Variants in BTG2 observed in about 807,000 individuals in gnomAD.
The protein encoded by BTG2 is protein BTG2.
In BTG2, 9 loss-of-function variants were observed where a neutral mutation model predicts 13.1. The ratio of observed to expected loss-of-function variants is 0.69; its 90% CI spans 0.41 to 1.20. BTG2 has a LOEUF of 1.20. Among genes scored for constraint, BTG2 ranks in the 50% most tolerant of loss-of-function variants. BTG2 has a pLI of 0.00. For synonymous variants in BTG2, 92 were observed against 88.6 expected, an observed-to-expected ratio of 1.04 and a Z score of -0.21; for missense variants, 200 against 209.5, an observed-to-expected ratio of 0.95 and a Z score of 0.28.
rs762752432 is a variant in BTG2, at chr1:203,307,429, C to T, written c.468C>T (p.Val156=). ...CCTCCAAGAACTACGTGATGGCAGT[C>T]TCCAGCTAGGCCCTTCCGCCCCCGC... ...SSPSKNYVMA[V]SS is the part of the protein sequence containing the mutation. Residue 156 remains valine, a synonymous_variant, in exon 2 of 2, where the codon GTC becomes GTT. Transcript: ENST00000290551. 5.0e-6 allele frequency: 8 copies of T among 1,587,378 alleles called. No individual in the cohort carries two copies. In the African/African-American group the frequency reaches 1.1e-4, roughly 21 times the overall value.
intron 1 of BTG2, among the ~76,000 whole-genome samples, chr1:203,306,236 G>C (rs535226051): frequency 6.6e-6 from 1 of 152,304 alleles, no homozygotes; most frequent in African/African-American, 2.4e-5. Context: ...TCCACTGGTT[G>C]CTGACTGGCT....
chr1:203,305,997 T>A (rs980462702), intron 1 of BTG2, among the ~76,000 whole-genome samples: 1 of 152,188 alleles, frequency 6.6e-6, no homozygotes, highest in Non-Finnish European at 1.5e-5. Context: ...GCGCAGACCC[T>A]GGTCCTGGAG....
At position 203,307,230 on chromosome 1, in the gene BTG2, C is replaced by G; in HGVS notation, c.269C>G (p.Pro90Arg). 1 of 1,614,224 alleles carries G rather than the reference C, an allele frequency of 6.2e-7. No individual in the cohort carries two copies. Among genetic ancestry groups the G allele is most frequent in the Non-Finnish European group, 8.5e-7 (1 of 1,180,048 alleles). ...GCCAGCCAGATCGGACTCAGCCAGC[C>G]CCAGCTGCACCAGCTGCTGCCCAGC... ...RVASQIGLSQ[P>R]QLHQLLPSEL... The change falls in exon 2 of 2, where the codon CCC becomes CGC. Residue 90 changes from proline (P) to arginine (R), a missense_variant. Transcript: ENST00000290551.
intron 1 of BTG2, among the ~76,000 whole-genome samples, chr1:203,306,201 TCGGGGTG>T: frequency 6.6e-6 from 1 of 152,140 alleles, no homozygotes; most frequent in Admixed American, 6.5e-5. Context: ...TTCCTGCCGG[TCGGGGTG>T]CGCTGTGCCT....
chr1:203,305,596 C>A lies in BTG2; in HGVS notation c.-11C>A. The A allele has an allele frequency of 6.2e-7, 1 of 1,601,184 alleles. No individual in the cohort carries two copies. Among genetic ancestry groups the A allele is most frequent in the Non-Finnish European group, 8.5e-7 (1 of 1,173,710 alleles). The stretch of plus-strand genomic sequence containing the variant: ...CCCGAGACCTCTCACTGAGCCCGAG[C>A]CGCGCGCGACATGAGCCACGGGAAG... On this transcript the variant is annotated 5_prime_UTR_variant, in exon 1 of 2. Transcript: ENST00000290551.
Position 203,307,496 on chromosome 1 carries a change from C to G in BTG2, c.*58C>G. 1 of 1,359,008 alleles carries G rather than the reference C, an allele frequency of 7.4e-7. No homozygotes were observed. The highest frequency in any genetic ancestry group is 1.0e-6 in the Non-Finnish European group (1 of 996,304). The allele number at this position is 1,359,008 out of a possible 1,614,324, so 84.2% of individuals were successfully genotyped here. On this transcript the variant is annotated 3_prime_UTR_variant, in exon 2 of 2. Coordinates refer to ENST00000290551, the MANE Select transcript of BTG2 (RefSeq NM_006763.3). ...CTCATGCTGCCGTGACAACAGGCCA[C>G]CACATACCTCAACCTGGGGAACTGT...
In BTG2 at chr1:203,307,453, G is replaced by A. The variant is rs778326561; in HGVS notation, c.*15G>A. 12 of 1,555,656 alleles carry A rather than the reference G, an allele frequency of 7.7e-6. No homozygotes were observed. In the Admixed American group the frequency reaches 1.8e-4, roughly 23 times the overall value. On this transcript the variant is annotated 3_prime_UTR_variant, in exon 2 of 2. Coordinates refer to ENST00000290551, the MANE Select transcript of BTG2 (RefSeq NM_006763.3). ...TCTCCAGCTAGGCCCTTCCGCCCCC[G>A]CCCTGGGCGCCGCCGTGCTCATGCT...
chr1:203,305,914 C>A (rs1018270874), intron 1 of BTG2, among the ~76,000 whole-genome samples, 166 bp downstream of exon 1: 1 of 152,156 alleles, frequency 6.6e-6, no homozygotes, highest in Admixed American at 6.5e-5. Flanking sequence ...TTCCTGGGTC[C>A]TCCTCCCCAG....
chr1:203,306,454 A>G (rs543263623), intron 1 of BTG2, among the ~76,000 whole-genome samples: 3 of 152,162 alleles, frequency 2.0e-5, no homozygotes, highest in Admixed American at 6.5e-5. Context: ...AGTTTTGGGA[A>G]GCGATAGCCA....
intron 1 of BTG2, 57 bp downstream of exon 1, chr1:203,305,805 G>A: frequency 6.6e-7 from 1 of 1,516,214 alleles, no homozygotes; most frequent in Non-Finnish European, 8.8e-7. Flanking sequence ...CCCTGCCAGG[G>A]CCGTCTTTCT....
chr1:203,305,913 C>T (rs1344687430), intron 1 of BTG2, among the ~76,000 whole-genome samples, 165 bp downstream of exon 1: 2 of 152,166 alleles, frequency 1.3e-5, no homozygotes, highest in Non-Finnish European at 2.9e-5. Flanking sequence ...TTTCCTGGGT[C>T]CTCCTCCCCA....
In BTG2 at chr1:203,307,585, A is replaced by G; in HGVS notation, c.*147A>G. The G allele has an allele frequency of 1.5e-6, 1 of 685,124 alleles. No homozygotes were observed. Among genetic ancestry groups the G allele is most frequent in the South Asian group, 5.2e-5 (1 of 19,348 alleles). 42.4% of individuals were successfully genotyped at this position (685,124 alleles called of 1,614,324 possible). ...TTTAAGAAAGGAGGAAAAGAAACCAAAAGTTTTTTTTAAGAAAAAAAATCC... is the reference window on the plus strand; with the variant it reads ...TTTAAGAAAGGAGGAAAAGAAACCAGAAGTTTTTTTTAAGAAAAAAAATCC... On this transcript the variant is annotated 3_prime_UTR_variant, in exon 2 of 2. Coordinates refer to ENST00000290551, the MANE Select transcript of BTG2 (RefSeq NM_006763.3).
In BTG2 at chr1:203,307,234, G is replaced by T. The variant is rs761393344; in HGVS notation, c.273G>T (p.Gln91His). 6.2e-7 allele frequency: 1 copy of T among 1,614,228 alleles called. No individual in the cohort carries two copies. The highest frequency in any genetic ancestry group is 8.5e-7 in the Non-Finnish European group (1 of 1,180,050). Residue 91 changes from glutamine (Q) to histidine (H), a missense_variant, in exon 2 of 2, where the codon CAG (glutamine) becomes CAT (histidine). By Grantham distance (24) the Gln-to-His change is conservative (BLOSUM62 0). Coordinates refer to ENST00000290551, the MANE Select transcript of BTG2 (RefSeq NM_006763.3). ...GCCAGATCGGACTCAGCCAGCCCCA[G>T]CTGCACCAGCTGCTGCCCAGCGAGC... ...VASQIGLSQP[Q>H]LHQLLPSELT...
chr1:203,305,540 G>A lies in BTG2; in HGVS notation c.-67G>A. On this transcript the variant is annotated 5_prime_UTR_variant, in exon 1 of 2. Transcript: ENST00000290551. ...GGGCAGAGCCCGAGCAGCGGCCAGGGTAACGCTGTCTTGTGGACCCGCACT... is the reference window on the plus strand; with the variant it reads ...GGGCAGAGCCCGAGCAGCGGCCAGGATAACGCTGTCTTGTGGACCCGCACT... 1 of 1,536,008 alleles carries A rather than the reference G, an allele frequency of 6.5e-7. No homozygotes were observed. The highest frequency in any genetic ancestry group is 8.8e-7 in the Non-Finnish European group (1 of 1,139,042).
At position 203,307,446 on chromosome 1, in the gene BTG2, C is replaced by A; in HGVS notation, c.*8C>A. Reference sequence around the variant, plus strand: ...ATGGCAGTCTCCAGCTAGGCCCTTCCGCCCCCGCCCTGGGCGCCGCCGTGC... The same window carrying A: ...ATGGCAGTCTCCAGCTAGGCCCTTCAGCCCCCGCCCTGGGCGCCGCCGTGC... On this transcript the variant is annotated 3_prime_UTR_variant, in exon 2 of 2. Coordinates refer to ENST00000290551, the MANE Select transcript of BTG2 (RefSeq NM_006763.3). 1 of 1,563,130 alleles carries A rather than the reference C, an allele frequency of 6.4e-7. No homozygotes were observed. Among genetic ancestry groups the A allele is most frequent in the Non-Finnish European group, 8.7e-7 (1 of 1,150,442 alleles).
At chr1:203,306,302 C>A (rs1658270871) in intron 1 of BTG2, among the ~76,000 whole-genome samples, 1 of 152,126 alleles carries the variant, frequency 6.6e-6, no homozygotes, top group Non-Finnish European at 1.5e-5. Flanking sequence ...TAGCCATCTG[C>A]CACCTATTGT....
At position 203,307,619 on chromosome 1, in the gene BTG2, A is replaced by T. The variant is rs1296526375; in HGVS notation, c.*181A>T. 2.1e-6 allele frequency: 1 copy of T among 476,848 alleles called. No individual in the cohort carries two copies. Among genetic ancestry groups the T allele is most frequent in the Non-Finnish European group, 3.4e-6 (1 of 294,640 alleles). 29.5% of individuals were successfully genotyped at this position (476,848 alleles called of 1,614,324 possible). On this transcript the variant is annotated 3_prime_UTR_variant, in exon 2 of 2. Transcript: ENST00000290551. Reference sequence around the variant, plus strand: ...TTTAAGAAAAAAAATCCTTCAAGGGAGCTGCTTGGAAGTGGCCTCCCCAGG... The same window carrying T: ...TTTAAGAAAAAAAATCCTTCAAGGGTGCTGCTTGGAAGTGGCCTCCCCAGG...
chr1:203,306,051 C>T lies in BTG2; in HGVS notation c.142+303C>T, dbSNP rs1465297385. On this transcript the variant is annotated intron_variant, in intron 1 of 1. Coordinates refer to ENST00000290551, the MANE Select transcript of BTG2 (RefSeq NM_006763.3). ...GCTTATGCCCCTGTCTCATTACGGG[C>T]TCGTCTCCCTCGCTGGACCCTCGAG... Among the ~76,000 whole-genome samples, 3 of 152,216 alleles carry T rather than the reference C, an allele frequency of 2.0e-5. No homozygotes were observed. In the East Asian group the frequency reaches 5.8e-4, roughly 29 times the overall value.
intron 1 of BTG2, among the ~76,000 whole-genome samples, 182 bp downstream of exon 1, chr1:203,305,930 T>A (rs1658250847): frequency 6.6e-6 from 1 of 152,128 alleles, no homozygotes; most frequent in South Asian, 2.1e-4. Context: ...CCCAGCCCTG[T>A]GCTCGGGTCT....
Sources: gnomAD v4.1 joint callset for allele counts (sites outside exome capture counted in the v4.1 genomes callset) on GRCh38, gnomAD v4.1.1 for gene constraint, MANE v1.5 for transcripts, NCBI Gene and HGNC (gene_info 2026-07-23, HGNC 2026-07-21) for gene names.